The following PRKAG2 variants were observed in gnomAD, a reference collection of about 807,000 sequenced individuals.
PRKAG2 encodes the protein protein kinase AMP-activated non-catalytic subunit gamma 2.
A neutral mutation model predicts 69.6 loss-of-function variants in PRKAG2; 26 were observed. The ratio of observed to expected loss-of-function variants is 0.37; its 90% CI spans 0.27 to 0.52. The LOEUF is 0.52. PRKAG2 is among the 20% of genes least tolerant of loss of function. The pLI, the probability that PRKAG2 is intolerant of heterozygous loss-of-function variation, is 0.90. For synonymous variants in PRKAG2, 293 were observed against 285.0 expected, an observed-to-expected ratio of 1.03 and a Z score of -0.28; for missense variants, 557 against 740.0, an observed-to-expected ratio of 0.75 and a Z score of 2.87.
At chr7:151,833,997 C>G (rs1881624) in intron 1 of PRKAG2, among the ~76,000 whole-genome samples, 1 of 151,922 alleles carries the variant, frequency 6.6e-6, no homozygotes, top group African/African-American at 2.4e-5. Flanking sequence ...GCAGGGATAA[C>G]AGAATAGTGA....
intron 1 of PRKAG2, among the ~76,000 whole-genome samples, chr7:151,838,355 C>G (rs569813552): frequency 6.6e-6 from 1 of 152,022 alleles, no homozygotes. Context: ...CCTCAGCACC[C>G]TCGTCTCCAG....
Position 151,753,756 on chromosome 7 carries a change from C to T in PRKAG2, c.466+27396G>A, listed in dbSNP as rs138419103. Among the ~76,000 whole-genome samples the T allele has an allele frequency of 5.1e-3, 780 of 152,182 alleles. 8 individuals are homozygous for T. Among genetic ancestry groups the T allele is most frequent in the Middle Eastern group, 0.02 (6 of 294 alleles). On this transcript the variant is annotated intron_variant, in intron 3 of 15. Coordinates refer to ENST00000287878, the MANE Select transcript of PRKAG2 (RefSeq NM_016203.4). ...TAAAAAAGGAATTAAGAAATACAGG[C>T]TGAGCAGTGGCTTGTGCCTATGATC...
At chr7:151,822,827 C>T in intron 1 of PRKAG2, among the ~76,000 whole-genome samples, 1 of 150,346 alleles carries the variant, frequency 6.7e-6, no homozygotes, top group East Asian at 2.0e-4. Flanking sequence ...CTCCACGTCA[C>T]ACTCCCTCCC....
chr7:151,576,180 A>T (rs1808884106), intron 7 of PRKAG2, 191 bp downstream of exon 7: 1 of 629,732 alleles, frequency 1.6e-6, no homozygotes, highest in African/African-American at 1.8e-5. Flanking sequence ...GGCTCAAGCG[A>T]TCTCCCTGCC....
intron 15 of PRKAG2, chr7:151,559,209 C>T (rs1804403043): frequency 2.1e-6 from 2 of 971,148 alleles, no homozygotes; most frequent in South Asian, 4.8e-5. Context: ...GATTCCTCCA[C>T]TGTTGAATGC....
At chr7:151,758,016 G>C (rs189550891) in intron 3 of PRKAG2, among the ~76,000 whole-genome samples, 10 of 152,188 alleles carry the variant, frequency 6.6e-5, no homozygotes, top group Admixed American at 5.2e-4. Flanking sequence ...AATCTTCCCC[G>C]GGTGTCAGAG....
rs377387025 is a variant in PRKAG2, at chr7:151,640,428, T to A, written c.685-8290A>T. 6.7e-4 allele frequency among the ~76,000 whole-genome samples: 102 copies of A among 152,242 alleles called. 1 individual carries two copies. In the Middle Eastern group the frequency reaches 0.024, roughly 36 times the overall value. Reference sequence around the variant, plus strand: ...GAGCTGGGGGGAAGGGCCTGATCATTTATTCACCTTCTCTTGCCATGTCCC... The same window carrying A: ...GAGCTGGGGGGAAGGGCCTGATCATATATTCACCTTCTCTTGCCATGTCCC... On this transcript the variant is annotated intron_variant, in intron 4 of 15. Coordinates refer to ENST00000287878, the MANE Select transcript of PRKAG2 (RefSeq NM_016203.4).
At chr7:151,560,230 C>A (rs1804607143) in intron 15 of PRKAG2, 11 of 1,275,552 alleles carry the variant, frequency 8.6e-6, no homozygotes, top group Non-Finnish European at 1.0e-5. Flanking sequence ...TTGAAGAGGT[C>A]TTTTCAGTGG....
At chr7:151,648,465 G>A (rs560273809) in intron 4 of PRKAG2, among the ~76,000 whole-genome samples, 1 of 152,276 alleles carries the variant, frequency 6.6e-6, no homozygotes, top group South Asian at 2.1e-4. Flanking sequence ...TGAAGGGCTG[G>A]GGCACCCGGG....
At chr7:151,705,223 C>T (rs138472462) in intron 3 of PRKAG2, among the ~76,000 whole-genome samples, 6 of 152,164 alleles carry the variant, frequency 3.9e-5, no homozygotes, top group Admixed American at 2.0e-4. Flanking sequence ...CTCTGGAAAC[C>T]CCTCTGGTCT....
At chr7:151,639,067 C>T (rs1045919155) in intron 4 of PRKAG2, among the ~76,000 whole-genome samples, 39 of 152,190 alleles carry the variant, frequency 2.6e-4, no homozygotes, top group African/African-American at 8.9e-4. Context: ...TCCAACCCAC[C>T]ACTGTGCCTG....
intron 4 of PRKAG2, among the ~76,000 whole-genome samples, chr7:151,658,658 C>T (rs112406361): frequency 6.6e-5 from 10 of 152,160 alleles, no homozygotes; most frequent in African/African-American, 2.4e-4. Flanking sequence ...CGAACACACG[C>T]CGAAACAGTA....
intron 3 of PRKAG2, among the ~76,000 whole-genome samples, chr7:151,693,407 C>G (rs925536945): frequency 6.6e-6 from 1 of 152,164 alleles, no homozygotes; most frequent in Non-Finnish European, 1.5e-5. Context: ...CCTGAATATG[C>G]CCCACCCGTC....
At chr7:151,628,058 G>C (rs1036421324) in intron 5 of PRKAG2, among the ~76,000 whole-genome samples, 2 of 152,212 alleles carry the variant, frequency 1.3e-5, no homozygotes, top group African/African-American at 2.4e-5. Flanking sequence ...AGGAAGAGGA[G>C]AGACAGTCAG....
intron 1 of PRKAG2, chr7:151,809,303 T>C (rs1466209796): frequency 4.4e-6 from 2 of 454,834 alleles, no homozygotes; most frequent in South Asian, 3.1e-5. Flanking sequence ...CCGAGACGGG[T>C]GCAGAATCAG....
chr7:151,869,887 C>T (rs1053253148), intron 1 of PRKAG2, among the ~76,000 whole-genome samples: 1 of 152,186 alleles, frequency 6.6e-6, no homozygotes, highest in African/African-American at 2.4e-5. Context: ...ATACTCTGGG[C>T]CCTATTGGAG....
intron 1 of PRKAG2, among the ~76,000 whole-genome samples, chr7:151,840,199 C>T (rs1209951556): frequency 1.3e-5 from 2 of 152,168 alleles, no homozygotes; most frequent in African/African-American, 4.8e-5. Flanking sequence ...GAGCTGGTGA[C>T]AGTAGGGAGG....
intron 3 of PRKAG2, among the ~76,000 whole-genome samples, chr7:151,720,363 T>C (rs1796854874): frequency 6.6e-6 from 1 of 151,860 alleles, no homozygotes; most frequent in African/African-American, 2.4e-5. Flanking sequence ...GTCTACCTAA[T>C]ACAGCAAGAC....
chr7:151,845,662 C>G (rs530771198), intron 1 of PRKAG2, among the ~76,000 whole-genome samples: 1 of 152,282 alleles, frequency 6.6e-6, no homozygotes, highest in Admixed American at 6.5e-5. Flanking sequence ...CCTCCCTTCC[C>G]AACCTCGTCA....
Sources: gnomAD v4.1 joint callset for allele counts (sites outside exome capture counted in the v4.1 genomes callset) on GRCh38, gnomAD v4.1.1 for gene constraint, MANE v1.5 for transcripts, NCBI Gene and HGNC (gene_info 2026-07-23, HGNC 2026-07-21) for gene names.